Variants in MED13L observed in about 807,000 individuals in gnomAD.
MED13L encodes the protein mediator of RNA polymerase II transcription subunit 13-like.
In MED13L, 7 loss-of-function variants were observed where a neutral mutation model predicts 220.9. That is an observed-to-expected ratio of 0.03 (90% confidence interval 0.02 to 0.06). The LOEUF is 0.06. Ranked by LOEUF, MED13L falls within the 10% of genes least tolerant of loss-of-function variation. The pLI is 1.00. For synonymous variants in MED13L, 1,011 were observed against 1,015.2 expected (o/e 1.00, Z 0.08); for missense variants, 1,965 against 2,760.5 (o/e 0.71, Z 6.46).
intron 2 of MED13L, among the ~76,000 whole-genome samples, chr12:116,222,880 T>A (rs989140394): frequency 6.6e-6 from 1 of 152,220 alleles, no homozygotes; most frequent in Non-Finnish European, 1.5e-5. Context: ...TAAAAACTAT[T>A]AAAGATTTCA....
intron 4 of MED13L, among the ~76,000 whole-genome samples, chr12:116,059,031 G>T (rs1292669584): frequency 6.6e-6 from 1 of 152,186 alleles, no homozygotes; most frequent in Non-Finnish European, 1.5e-5. Context: ...TTAATGGAAT[G>T]AAAGTTTACA....
Position 115,966,101 on chromosome 12 carries a change from T to C in MED13L, c.6368A>G (p.Gln2123Arg). 1 of 1,614,196 alleles carries C rather than the reference T, an allele frequency of 6.2e-7. No individual in the cohort carries two copies. The highest frequency in any genetic ancestry group is 8.5e-7 in the Non-Finnish European group (1 of 1,180,016). The change falls in exon 29 of 31, where the codon CAG becomes CGG. Residue 2123 changes from glutamine (Q) to arginine (R), a missense_variant. Physicochemically the swap from Gln to Arg is conservative, Grantham distance 43 (BLOSUM62 1). This residue lies in a region of MED13L where 145 missense variants were observed against 328.3 expected (regional missense o/e 0.44). Transcript: ENST00000281928. ...FWSSCPQAQN[Q>R]CPLFLKASLH... is the part of the protein sequence containing the mutation. ...ACCAACCTTTAAGAAGAGAGGGCAC[T>C]GGTTTTGAGCCTGGGGACACGATGA... is the stretch of plus-strand genomic sequence containing the variant.
intron 4 of MED13L, among the ~76,000 whole-genome samples, chr12:116,074,705 T>C (rs1230136587): frequency 6.6e-6 from 1 of 152,182 alleles, no homozygotes; most frequent in Non-Finnish European, 1.5e-5. Context: ...CTTTTGACCC[T>C]AAGATTCAAA....
intron 4 of MED13L, among the ~76,000 whole-genome samples, chr12:116,094,522 T>G (rs373127629): frequency 6.6e-6 from 1 of 152,220 alleles, no homozygotes; most frequent in Admixed American, 6.5e-5. Flanking sequence ...ACAAACTCTA[T>G]ATAAAATAGG....
chr12:116,097,375 G>A (rs1186955267), intron 3 of MED13L, among the ~76,000 whole-genome samples: 1 of 152,064 alleles, frequency 6.6e-6, no homozygotes, highest in Non-Finnish European at 1.5e-5. Context: ...CGAATTCCTG[G>A]CCTCAAGTGA....
intron 1 of MED13L, among the ~76,000 whole-genome samples, chr12:116,239,011 C>A (rs1398328426): frequency 6.6e-6 from 1 of 152,102 alleles, no homozygotes; most frequent in Non-Finnish European, 1.5e-5. Flanking sequence ...ACAAGAATTG[C>A]TTGAACTTGG....
At chr12:116,178,755 T>C (rs908602244) in intron 2 of MED13L, among the ~76,000 whole-genome samples, 11 of 152,196 alleles carry the variant, frequency 7.2e-5, no homozygotes, top group African/African-American at 9.7e-5. Flanking sequence ...CCAGCAAATA[T>C]TGGGAATTAC....
At chr12:116,240,635 C>A (rs914068311) in intron 1 of MED13L, among the ~76,000 whole-genome samples, 2 of 151,772 alleles carry the variant, frequency 1.3e-5, no homozygotes, top group Admixed American at 6.6e-5. Context: ...TGGGTTCACA[C>A]CATTCTCCTG....
intron 2 of MED13L, among the ~76,000 whole-genome samples, chr12:116,222,451 T>C (rs1249782620): frequency 6.6e-6 from 1 of 152,180 alleles, no homozygotes; most frequent in African/African-American, 2.4e-5. Context: ...TGAGGGTGAA[T>C]AGAAGGGAGT....
At chr12:116,053,570 T>C (rs1283565546) in intron 4 of MED13L, among the ~76,000 whole-genome samples, 2 of 152,282 alleles carry the variant, frequency 1.3e-5, no homozygotes, top group African/African-American at 2.4e-5. Context: ...TTTAAATATA[T>C]CCTTAATTCT....
At chr12:116,097,349 T>C (rs1872708996) in intron 3 of MED13L, among the ~76,000 whole-genome samples, 1 of 152,196 alleles carries the variant, frequency 6.6e-6, no homozygotes, top group African/African-American at 2.4e-5. Context: ...TCTCACCATG[T>C]TGGCCAGGCT....
chr12:116,116,235 C>T (rs1164990219), intron 2 of MED13L, among the ~76,000 whole-genome samples: 5 of 152,110 alleles, frequency 3.3e-5, no homozygotes, highest in Non-Finnish European at 7.4e-5. Context: ...GCCCCCTATT[C>T]CCCAACCCCC....
At chr12:116,156,841 T>C (rs1043794098) in intron 2 of MED13L, among the ~76,000 whole-genome samples, 4 of 152,178 alleles carry the variant, frequency 2.6e-5, no homozygotes, top group African/African-American at 4.8e-5. Context: ...CCTTTGCCTT[T>C]TTCTGTGATG....
intron 2 of MED13L, among the ~76,000 whole-genome samples, chr12:116,226,842 C>G (rs948434295): frequency 6.8e-6 from 1 of 146,488 alleles, no homozygotes; most frequent in Non-Finnish European, 1.5e-5. Flanking sequence ...ATACTCCAGC[C>G]TGGGCAACAG....
chr12:116,265,443 A>C (rs1872763382), intron 1 of MED13L, among the ~76,000 whole-genome samples: 1 of 152,232 alleles, frequency 6.6e-6, no homozygotes, highest in Non-Finnish European at 1.5e-5. Flanking sequence ...ATTAAATGTA[A>C]TACCATTTAA....
intron 3 of MED13L, chr12:116,110,002 T>C (rs116243962): frequency 8.1e-4 from 124 of 152,294 alleles, no homozygotes; most frequent in African/African-American, 3.0e-3. Flanking sequence ...AGCCAATAGT[T>C]TGGATAAGAA....
intron 2 of MED13L, chr12:116,169,046 T>G (rs1043882410): frequency 5.3e-5 from 8 of 152,302 alleles, no homozygotes; most frequent in African/African-American, 1.9e-4. Context: ...GTAGACATTA[T>G]GAGCAAAGCT....
rs780454525 is a variant in MED13L at position 115,984,155 on chromosome 12, CT to C, written c.4531+24del. On this transcript the variant is annotated intron_variant, in intron 20 of 30. Transcript: ENST00000281928. ...TTGCTATTTTACTTCTCCAATTCTA[CT>C]TTGCCAAATAAATTCCCATTTACCT... 1.9e-6 allele frequency: 3 copies of C among 1,610,754 alleles called. No homozygotes were observed. The Admixed American group carries it at 5.0e-5, about 27-fold the overall frequency.
intron 4 of MED13L, among the ~76,000 whole-genome samples, chr12:116,093,271 A>G (rs1210463063): frequency 6.6e-6 from 1 of 152,168 alleles, no homozygotes; most frequent in African/African-American, 2.4e-5. Context: ...GGGCAAACCC[A>G]AAGTTGTATT....
Sources: allele counts gnomAD v4.1 joint callset (sites outside exome capture counted in the v4.1 genomes callset), GRCh38; gene constraint gnomAD v4.1.1; regional missense constraint gnomAD v4.1.1; transcripts MANE v1.5; gene names NCBI Gene and HGNC (gene_info 2026-07-23, HGNC 2026-07-21).